POFUT3: variants seen among roughly 807,000 people sequenced by gnomAD.
POFUT3 encodes protein O-fucosyltransferase 3.
At chr8:33,320,405 G>A in the POFUT3 span, among the ~76,000 whole-genome samples, 1 of 151,948 alleles carries the variant, frequency 6.6e-6, no homozygotes, top group African/African-American at 2.4e-5. Flanking sequence ...TAATTCTGGG[G>A]TGTTGACCAA....
the POFUT3 span, among the ~76,000 whole-genome samples, chr8:33,379,153 G>C: frequency 6.6e-6 from 1 of 152,050 alleles, no homozygotes; most frequent in African/African-American, 2.4e-5. Context: ...TTTTCGCCAT[G>C]ATTGTAAGTT....
the POFUT3 span, among the ~76,000 whole-genome samples, chr8:33,310,103 T>C: frequency 1.3e-5 from 2 of 152,184 alleles, no homozygotes; most frequent in Non-Finnish European, 2.9e-5. Context: ...TGTGGATCTG[T>C]TGACTGGGCT....
chr8:33,404,125 G>C, the POFUT3 span, among the ~76,000 whole-genome samples: 7 of 152,116 alleles, frequency 4.6e-5, no homozygotes, highest in African/African-American at 1.7e-4. Flanking sequence ...ATCACCCAAG[G>C]TCAGGAGTTT....
chr8:33,412,919 C>T, the POFUT3 span, among the ~76,000 whole-genome samples: 1 of 152,134 alleles, frequency 6.6e-6, no homozygotes, highest in Admixed American at 6.5e-5. Context: ...TGAGCCACTG[C>T]ACCTGGACTG....
the POFUT3 span, among the ~76,000 whole-genome samples, chr8:33,399,783 A>G: frequency 3.9e-5 from 6 of 151,918 alleles, no homozygotes; most frequent in Non-Finnish European, 8.8e-5. Context: ...CCTCCCCAGT[A>G]ACTGGGACTA....
At chr8:33,446,792 C>T in the POFUT3 span, among the ~76,000 whole-genome samples, 11 of 152,118 alleles carry the variant, frequency 7.2e-5, no homozygotes, top group African/African-American at 2.2e-4. Flanking sequence ...CAATGCCATT[C>T]GGTTCATTAA....
At chr8:33,397,488 C>T in the POFUT3 span, among the ~76,000 whole-genome samples, 1 of 152,182 alleles carries the variant, frequency 6.6e-6, no homozygotes, top group African/African-American at 2.4e-5. Flanking sequence ...CTTGATGCTA[C>T]AGCTGATCTT....
At chr8:33,327,313 T>C in the POFUT3 span, among the ~76,000 whole-genome samples, 1 of 152,200 alleles carries the variant, frequency 6.6e-6, no homozygotes, top group East Asian at 1.9e-4. Context: ...AGATGTCTTA[T>C]ATATGTAGAC....
At chr8:33,361,981 T>A in the POFUT3 span, among the ~76,000 whole-genome samples, 2 of 152,092 alleles carry the variant, frequency 1.3e-5, no homozygotes, top group Non-Finnish European at 2.9e-5. Flanking sequence ...TTCACCAAAC[T>A]TGAAATGAAG....
chr8:33,412,696 T>C, the POFUT3 span, among the ~76,000 whole-genome samples: 2 of 152,188 alleles, frequency 1.3e-5, no homozygotes, highest in African/African-American at 4.8e-5. Context: ...GGCACAATCT[T>C]GGCTCACTGC....
the POFUT3 span, among the ~76,000 whole-genome samples, chr8:33,454,665 G>A: frequency 6.7e-6 from 1 of 149,926 alleles, no homozygotes; most frequent in Admixed American, 6.7e-5. Context: ...TCCAGAAATA[G>A]TTTTGCCTCT....
At chr8:33,365,796 A>G in the POFUT3 span, among the ~76,000 whole-genome samples, 1 of 152,264 alleles carries the variant, frequency 6.6e-6, no homozygotes, top group Non-Finnish European at 1.5e-5. Flanking sequence ...GAATGCTTTT[A>G]CACTGTTGGT....
At chr8:33,318,848 T>C in the POFUT3 span, among the ~76,000 whole-genome samples, 10 of 58,690 alleles carry the variant, frequency 1.7e-4, 2 homozygotes, top group African/African-American at 2.8e-4. Flanking sequence ...TTATATAATA[T>C]ATAAATATAT....
At chr8:33,470,233 C>G in the POFUT3 span, among the ~76,000 whole-genome samples, 1 of 58,136 alleles carries the variant, frequency 1.7e-5, no homozygotes, top group Non-Finnish European at 2.8e-5. Flanking sequence ...GAACCCATCT[C>G]TACAAAAAAA....
At chr8:33,424,589 C>T in the POFUT3 span, among the ~76,000 whole-genome samples, 2 of 152,214 alleles carry the variant, frequency 1.3e-5, no homozygotes, top group Non-Finnish European at 2.9e-5. Context: ...TGCCCGGCCA[C>T]GGACTGTGTA....
the POFUT3 span, among the ~76,000 whole-genome samples, chr8:33,347,109 C>A: frequency 6.6e-6 from 1 of 152,154 alleles, no homozygotes; most frequent in Non-Finnish European, 1.5e-5. Context: ...TTCTCCTGCG[C>A]CTGTCACCAT....
At chr8:33,446,826 T>C in the POFUT3 span, among the ~76,000 whole-genome samples, 1 of 152,156 alleles carries the variant, frequency 6.6e-6, no homozygotes, top group South Asian at 2.1e-4. Flanking sequence ...CTTTGTGAAC[T>C]GAAAAAACTG....
At chr8:33,356,483 T>C in the POFUT3 span, among the ~76,000 whole-genome samples, 4 of 152,180 alleles carry the variant, frequency 2.6e-5, no homozygotes, top group East Asian at 3.8e-4. Flanking sequence ...TTGAGAAGTG[T>C]CTGTTCATGT....
chr8:33,419,468 A>G, the POFUT3 span, among the ~76,000 whole-genome samples: 2 of 152,202 alleles, frequency 1.3e-5, no homozygotes, highest in East Asian at 1.9e-4. Context: ...TCATGCTCCT[A>G]TGAGAATCTA....
Sources: gnomAD v4.1 joint callset for allele counts (sites outside exome capture counted in the v4.1 genomes callset) on GRCh38, gnomAD v4.1.1 for gene constraint, MANE v1.5 for transcripts, NCBI Gene and HGNC (gene_info 2026-07-23, HGNC 2026-07-21) for gene names.